Variants in CBL observed in about 807,000 individuals in gnomAD.
CBL encodes the protein Cbl proto-oncogene, also known as E3 ubiquitin-protein ligase CBL.
A neutral mutation model predicts 96.9 loss-of-function variants in CBL; 45 were observed. That is an observed-to-expected ratio of 0.46 (90% confidence interval 0.37 to 0.60). CBL has a LOEUF of 0.60. CBL is among the 20% of genes least tolerant of loss of function. The pLI is 0.00. For missense variants in CBL, 1,024 were observed against 1,143.5 expected, an observed-to-expected ratio of 0.90 and a Z score of 1.51; for synonymous variants, 420 against 426.8, an observed-to-expected ratio of 0.98 and a Z score of 0.20.
Position 119,306,339 on chromosome 11 carries a change from T to C in CBL, c.*6558T>C. ...TCTCCTGATTTGGCAGCTGAAGAAATCAGCAGAGTCCTGATTGCCTGATTC... is the reference window on the plus strand; with the variant it reads ...TCTCCTGATTTGGCAGCTGAAGAAACCAGCAGAGTCCTGATTGCCTGATTC... On this transcript the variant is annotated 3_prime_UTR_variant, in exon 16 of 16. Transcript: ENST00000264033. 1 of 398,676 alleles carries C rather than the reference T, an allele frequency of 2.5e-6. No homozygotes were observed. Among genetic ancestry groups the C allele is most frequent in the Non-Finnish European group, 4.4e-6 (1 of 226,130 alleles). The allele number at this position is 398,676 out of a possible 1,614,324, so 24.7% of individuals were successfully genotyped here.
chr11:119,248,053 C>T (rs985512065), intron 2 of CBL, among the ~76,000 whole-genome samples: 1 of 152,126 alleles, frequency 6.6e-6, no homozygotes, highest in African/African-American at 2.4e-5. Context: ...CAGTATTCCC[C>T]ATGTTGATAC....
intron 1 of CBL, among the ~76,000 whole-genome samples, chr11:119,225,828 A>G (rs1438266177): frequency 6.9e-6 from 1 of 145,350 alleles, no homozygotes; most frequent in African/African-American, 2.6e-5. Flanking sequence ...CCCGGGTTCA[A>G]CCGATTCTTC....
chr11:119,252,721 CAAAA>C (rs985407620), intron 2 of CBL, among the ~76,000 whole-genome samples: 189 of 151,382 alleles, frequency 1.2e-3, no homozygotes, highest in Non-Finnish European at 2.1e-3. Context: ...AACAAACAAA[CAAAA>C]AAACTTAGCT....
At chr11:119,281,640 G>A (rs1447533939) in intron 9 of CBL, among the ~76,000 whole-genome samples, 6 of 151,692 alleles carry the variant, frequency 4.0e-5, no homozygotes, top group African/African-American at 9.7e-5. Flanking sequence ...GACTACAGGC[G>A]CCTGCCACCA....
At chr11:119,220,808 T>A (rs1949401934) in intron 1 of CBL, among the ~76,000 whole-genome samples, 1 of 152,188 alleles carries the variant, frequency 6.6e-6, no homozygotes, top group Non-Finnish European at 1.5e-5. Context: ...AGAACCTGAA[T>A]GGAGTTTTGA....
At chr11:119,275,867 A>T in intron 5 of CBL, 130 bp from the exon 6 acceptor site, 1 of 954,930 alleles carries the variant, frequency 1.0e-6, no homozygotes, top group South Asian at 1.3e-5. Context: ...ATCTTAAAAA[A>T]AGAAAGAAAG....
intron 2 of CBL, among the ~76,000 whole-genome samples, chr11:119,237,964 C>T (rs1949557721): frequency 6.6e-6 from 1 of 151,388 alleles, no homozygotes; most frequent in South Asian, 2.1e-4. Context: ...CTCTTCTTGC[C>T]AGGTTCAAGC....
chr11:119,245,364 A>T (rs910087030), intron 2 of CBL, among the ~76,000 whole-genome samples: 1 of 152,132 alleles, frequency 6.6e-6, no homozygotes, highest in Non-Finnish European at 1.5e-5. Context: ...TAAAACCGAG[A>T]GATTTAAAAA....
intron 12 of CBL, among the ~76,000 whole-genome samples, chr11:119,288,755 A>G (rs1312534957): frequency 6.6e-6 from 1 of 152,168 alleles, no homozygotes. Context: ...GCTCTAATGA[A>G]TACTGTATTT....
At chr11:119,245,522 A>G (rs1054212792) in intron 2 of CBL, among the ~76,000 whole-genome samples, 2 of 152,088 alleles carry the variant, frequency 1.3e-5, no homozygotes, top group Non-Finnish European at 2.9e-5. Context: ...TGAGGTCAGG[A>G]GTTCGAGACC....
chr11:119,207,420 G>C (rs1293990945), intron 1 of CBL, among the ~76,000 whole-genome samples: 1 of 152,144 alleles, frequency 6.6e-6, no homozygotes, highest in African/African-American at 2.4e-5. Context: ...GCTTGAGCTG[G>C]GTTCTTTTTT....
chr11:119,254,328 C>T (rs1321934079), intron 2 of CBL, among the ~76,000 whole-genome samples: 2 of 152,096 alleles, frequency 1.3e-5, no homozygotes, highest in South Asian at 2.1e-4. Flanking sequence ...TAAGTGCAAC[C>T]ATGTATTGCT....
At position 119,225,821 on chromosome 11, in the gene CBL, G is replaced by A. The variant is rs113336476; in HGVS notation, c.196-6627G>A. 6.0e-3 allele frequency among the ~76,000 whole-genome samples: 819 copies of A among 135,974 alleles called. 5 individuals are homozygous for A. The highest frequency in any genetic ancestry group is 0.018 in the Admixed American group (217 of 11,754). 89.2% of individuals were successfully genotyped at this position (135,974 alleles called of 152,430 possible). A position where few individuals can be genotyped will look rare whatever the true frequency, so the allele number is the denominator to read the frequency against. On this transcript the variant is annotated intron_variant, in intron 1 of 15. Transcript: ENST00000264033. ...CAGCTCGCTGCAACCTCCGCCTCCC[G>A]GGTTCAACCGATTCTTCTGCCTCAG...
intron 1 of CBL, among the ~76,000 whole-genome samples, chr11:119,208,475 C>T (rs778120472): frequency 5.9e-5 from 9 of 151,870 alleles, no homozygotes; most frequent in Non-Finnish European, 1.2e-4. Context: ...CTGCAACCTC[C>T]GCCTCCTGGG....
rs768420765 is a variant in CBL at position 119,287,834 on chromosome 11, C to G, written c.1942-18C>G. 1 of 1,553,676 alleles carries G rather than the reference C, an allele frequency of 6.4e-7. No individual in the cohort carries two copies. The highest frequency in any genetic ancestry group is 1.4e-5 in the African/African-American group (1 of 73,746). On this transcript the variant is annotated intron_variant, in intron 11 of 15. Coordinates refer to ENST00000264033, the MANE Select transcript of CBL (RefSeq NM_005188.4). ...GTGGTAAGAAAGTTGTTTTTCAACA[C>G]TTTTCTTTACTTTCCAGAGTATGAA...
At chr11:119,245,102 C>T (rs570048019) in intron 2 of CBL, among the ~76,000 whole-genome samples, 18 of 151,140 alleles carry the variant, frequency 1.2e-4, no homozygotes, top group Admixed American at 1.2e-3. Flanking sequence ...GAATGCCTGG[C>T]CTCAAGTGAT....
intron 6 of CBL, among the ~76,000 whole-genome samples, chr11:119,276,380 T>C (rs1565871598): frequency 6.6e-6 from 1 of 152,218 alleles, no homozygotes; most frequent in Non-Finnish European, 1.5e-5. Flanking sequence ...CTTTCTTTTT[T>C]CCAAATGTTA....
chr11:119,236,321 A>C (rs1434035916), intron 2 of CBL, among the ~76,000 whole-genome samples: 1 of 151,240 alleles, frequency 6.6e-6, no homozygotes, highest in Non-Finnish European at 1.5e-5. Flanking sequence ...AAGTGGAATC[A>C]CATAACGGTG....
chr11:119,206,771 A>C, intron 1 of CBL, among the ~76,000 whole-genome samples, 159 bp downstream of exon 1: 1 of 104,530 alleles, frequency 9.6e-6, no homozygotes, highest in Non-Finnish European at 2.0e-5. Flanking sequence ...GGGGGCAGGG[A>C]CGAGGCCGGG....
Sources: allele counts gnomAD v4.1 joint callset (sites outside exome capture counted in the v4.1 genomes callset), GRCh38; gene constraint gnomAD v4.1.1; transcripts MANE v1.5; gene names NCBI Gene and HGNC (gene_info 2026-07-23, HGNC 2026-07-21).